The following MLKL variants were observed in gnomAD, a reference collection of about 807,000 sequenced individuals.
MLKL encodes the protein mixed lineage kinase domain like pseudokinase.
MLKL carries 55 observed loss-of-function variants against 56.5 expected under a neutral mutation model. The ratio of observed to expected loss-of-function variants is 0.97; its 90% CI spans 0.78 to 1.22. The LOEUF is 1.22. MLKL is among the 50% of genes most tolerant of loss of function. MLKL has a pLI of 0.00. For missense variants in MLKL, 694 were observed against 573.9 expected (o/e 1.21, Z -2.14); for synonymous variants, 251 against 208.3 (o/e 1.20, Z -1.76).
At chr16:74,679,057 T>C in intron 6 of MLKL, 77 bp from the exon 7 acceptor site, 1 of 1,172,452 alleles carries the variant, frequency 8.5e-7, no homozygotes, top group Non-Finnish European at 1.3e-6. Flanking sequence ...ATAACTGGGC[T>C]GATGAGGCTG....
intron 7 of MLKL, 123 bp downstream of exon 7, chr16:74,678,776 T>C: frequency 1.4e-6 from 1 of 723,538 alleles, no homozygotes; most frequent in Non-Finnish European, 2.3e-6. Flanking sequence ...AAAGAGACTC[T>C]GTCTCTAAAT....
At position 74,678,963 on chromosome 16, in the gene MLKL, G is replaced by A. The variant is rs371361992; in HGVS notation, c.974C>T (p.Ala325Val). The A allele has an allele frequency of 1.1e-5, 17 of 1,614,010 alleles. No individual in the cohort carries two copies. In the East Asian group the frequency reaches 3.8e-4, roughly 36 times the overall value. Residue 325 changes from alanine (A) to valine (V), a missense_variant, in exon 7 of 11, where the codon GCA becomes GTA. Transcript: ENST00000308807. Reference protein sequence around the residue: ...RGLYRLHHSEAPELHGKIRSS... With the variant: ...RGLYRLHHSEVPELHGKIRSS... ...TCTGATTTTTCCGTGGAGTTCAGGT[G>A]CTTCTGAATGGTGTAGCCTGACACA...
chr16:74,682,540 G>T, intron 6 of MLKL, 111 bp downstream of exon 6: 1 of 1,420,856 alleles, frequency 7.0e-7, no homozygotes, highest in South Asian at 1.3e-5. Context: ...AACAGTGTAT[G>T]GGAGGGAGAC....
At chr16:74,674,421 G>A (rs1469691429) in intron 10 of MLKL, among the ~76,000 whole-genome samples, 1 of 151,634 alleles carries the variant, frequency 6.6e-6, no homozygotes, top group African/African-American at 2.4e-5. Flanking sequence ...GCAAAATGTT[G>A]GGATTATAGG....
chr16:74,681,896 G>A (rs1206716880), intron 6 of MLKL, among the ~76,000 whole-genome samples: 1 of 152,102 alleles, frequency 6.6e-6, no homozygotes, highest in African/African-American at 2.4e-5. Flanking sequence ...ATATATATAT[G>A]TACAAGCATG....
Position 74,691,296 on chromosome 16 carries a change from G to GT in MLKL, c.702dup (p.Leu235ThrfsTer15), listed in dbSNP as rs1960658460. ...ACTTACGCAATGCTGCCAGCCTGGA[G>GT]TTTTTTGAATACTTTTATGGCCACT... On this transcript the variant is annotated frameshift_variant, in exon 4 of 11. Coordinates refer to ENST00000308807, the MANE Select transcript of MLKL (RefSeq NM_152649.4). LOFTEE classifies it high-confidence loss of function. The GT allele has an allele frequency of 5.0e-6, 8 of 1,611,442 alleles. No homozygotes were observed. The highest frequency in any genetic ancestry group is 6.8e-6 in the Non-Finnish European group (8 of 1,179,278).
At chr16:74,682,808 C>T (rs761405916) in intron 5 of MLKL, 22 bp from the exon 6 acceptor site, 2 of 1,613,200 alleles carry the variant, frequency 1.2e-6, no homozygotes, top group African/African-American at 2.7e-5. Context: ...GAGCCAGACA[C>T]TATGAGGACC....
At chr16:74,700,219 G>T (rs551388261) in intron 1 of MLKL, among the ~76,000 whole-genome samples, 2 of 151,746 alleles carry the variant, frequency 1.3e-5, no homozygotes, top group African/African-American at 4.9e-5. Flanking sequence ...ACTTGTTCCC[G>T]TGCCCCTGCC....
chr16:74,674,244 C>T (rs931311372), intron 10 of MLKL, among the ~76,000 whole-genome samples: 8 of 151,920 alleles, frequency 5.3e-5, no homozygotes, highest in African/African-American at 1.9e-4. Flanking sequence ...CCTCTGCCTC[C>T]TGGGTTCAAG....
chr16:74,699,834 G>A (rs764065731), intron 1 of MLKL, among the ~76,000 whole-genome samples: 3 of 152,084 alleles, frequency 2.0e-5, no homozygotes, highest in Admixed American at 6.6e-5. Context: ...CTAGCTACTT[G>A]GGAGGATCTG....
At position 74,691,385 on chromosome 16, in the gene MLKL, G is replaced by C; in HGVS notation, c.614C>G (p.Pro205Arg). Residue 205 changes from proline (P) to arginine (R), a missense_variant, in exon 4 of 11, where the codon CCG (proline) becomes CGG (arginine). Coordinates refer to ENST00000308807, the MANE Select transcript of MLKL (RefSeq NM_152649.4). ...TTCATTTTCCCTTAGCAGAATCCAC[G>C]GGGATCCTGAAAGCTGCTCCTTCTT... ...EIKKEQLSGS[P>R]WILLRENEVS... The C allele has an allele frequency of 1.9e-6, 3 of 1,613,984 alleles. No homozygotes were observed. Among genetic ancestry groups the C allele is most frequent in the Non-Finnish European group, 2.5e-6 (3 of 1,180,002 alleles).
chr16:74,700,779 C>A lies in MLKL; in HGVS notation c.-329G>T, dbSNP rs1487874392. 1.3e-5 allele frequency: 2 copies of A among 152,312 alleles called. No individual in the cohort carries two copies. Among genetic ancestry groups the A allele is most frequent in the African/African-American group, 4.8e-5 (2 of 41,462 alleles). 9.4% of individuals were successfully genotyped at this position (152,312 alleles called of 1,614,324 possible). A position where few individuals can be genotyped will look rare whatever the true frequency, so the allele number is the denominator to read the frequency against. ...TCTGTCCAGTGCCCTCCGGAGGCCA[C>A]TGCCTCAGGTCTGTGATGCCTGCAG... On this transcript the variant is annotated 5_prime_UTR_variant, in exon 1 of 11. Coordinates refer to ENST00000308807, the MANE Select transcript of MLKL (RefSeq NM_152649.4).
At position 74,692,340 on chromosome 16, in the gene MLKL, A is replaced by T. The variant is rs754143380; in HGVS notation, c.535+2T>A. ...GAAACAGCAGGGCACATGATAACTT[A>T]CACTGCCTCAAAGTTTCCTTGATTT... On this transcript the variant is annotated splice_donor_variant, in intron 3 of 10. Transcript: ENST00000308807. LOFTEE classifies it high-confidence loss of function. 1 of 1,613,006 alleles carries T rather than the reference A, an allele frequency of 6.2e-7. No individual in the cohort carries two copies. Among genetic ancestry groups the T allele is most frequent in the East Asian group, 2.2e-5 (1 of 44,884 alleles).
Position 74,675,119 on chromosome 16 carries a change from G to C in MLKL, c.1241-19C>G, listed in dbSNP as rs954020795. On this transcript the variant is annotated intron_variant, in intron 9 of 10. Transcript: ENST00000308807. ...TTACAGCCTGGAAATGATAGCATGA[G>C]AGCCTCAAAAAATTGCTCCGCTACT... 1.2e-6 allele frequency: 2 copies of C among 1,612,396 alleles called. No homozygotes were observed. The highest frequency in any genetic ancestry group is 1.7e-6 in the Non-Finnish European group (2 of 1,179,128).
At chr16:74,688,037 G>T (rs181726435) in intron 4 of MLKL, among the ~76,000 whole-genome samples, 1 of 152,170 alleles carries the variant, frequency 6.6e-6, no homozygotes, top group East Asian at 1.9e-4. Context: ...TATTAGCCAG[G>T]ATGGTCTTGA....
At chr16:74,684,357 C>A (rs1960184437) in intron 5 of MLKL, among the ~76,000 whole-genome samples, 2 of 135,238 alleles carry the variant, frequency 1.5e-5, no homozygotes, top group South Asian at 4.7e-4. Flanking sequence ...AATCTCTAGG[C>A]AAGACGGCAG....
rs769303810 is a variant in MLKL at position 74,675,059 on chromosome 16, G to A, written c.1282C>T (p.Arg428Trp). ...EKIRKLVAVK[R>W]QQEPLGEDCP... ...TCTTCACCCAGTGGCTCCTGCTGCC[G>A]CTTCACAGCCACCAGCTTGCGGATC... is the stretch of plus-strand genomic sequence containing the variant. The change falls in exon 10 of 11, where the codon CGG (arginine) becomes TGG (tryptophan). Residue 428 changes from arginine (R) to tryptophan (W), a missense_variant. Physicochemically the swap from Arg to Trp is moderately radical, Grantham distance 101. Transcript: ENST00000308807. 3.0e-5 allele frequency: 49 copies of A among 1,613,998 alleles called. No individual in the cohort carries two copies. The highest frequency in any genetic ancestry group is 4.0e-5 in the Non-Finnish European group (47 of 1,180,020).
chr16:74,674,858 C>G, intron 10 of MLKL, 102 bp downstream of exon 10: 1 of 1,405,414 alleles, frequency 7.1e-7, no homozygotes. Flanking sequence ...ATAAAACCAC[C>G]CCTCGTTGTA....
At chr16:74,682,094 A>T (rs1597489486) in intron 6 of MLKL, among the ~76,000 whole-genome samples, 1 of 133,248 alleles carries the variant, frequency 7.5e-6, no homozygotes, top group Non-Finnish European at 1.6e-5. Flanking sequence ...AAAAATATAT[A>T]TAAAAAAAAA....
Sources: gnomAD v4.1 joint callset for allele counts (sites outside exome capture counted in the v4.1 genomes callset) on GRCh38, gnomAD v4.1.1 for gene constraint, MANE v1.5 for transcripts, NCBI Gene and HGNC (gene_info 2026-07-23, HGNC 2026-07-21) for gene names.